The following NCOR1 variants were observed in gnomAD, a reference collection of about 807,000 sequenced individuals.
NCOR1 encodes the protein nuclear receptor corepressor 1, also known as protein phosphatase 1, regulatory subunit 109.
A neutral mutation model predicts 288.1 loss-of-function variants in NCOR1; 63 were observed. The ratio of observed to expected loss-of-function variants is 0.22; its 90% CI spans 0.18 to 0.27. NCOR1 has a LOEUF of 0.27. Among genes scored for constraint, NCOR1 ranks in the 10% least tolerant of loss-of-function variants. The probability of loss-of-function intolerance (pLI) is 1.00; values close to 1 mark genes in which losing one functional copy is unlikely to be tolerated. For synonymous variants in NCOR1, 1,007 were observed against 1,065.9 expected (o/e 0.94, Z 1.08); for missense variants, 2,397 against 3,019.2 (o/e 0.79, Z 4.83).
chr17:16,163,068 A>C (rs1377689776), intron 5 of NCOR1, among the ~76,000 whole-genome samples: 5 of 152,152 alleles, frequency 3.3e-5, no homozygotes, highest in Non-Finnish European at 7.4e-5. Context: ...TAAAACTATA[A>C]AATGTGTAGA....
intron 23 of NCOR1, among the ~76,000 whole-genome samples, chr17:16,081,979 A>T (rs1253963032): frequency 6.6e-6 from 1 of 152,226 alleles, no homozygotes; most frequent in African/African-American, 2.4e-5. Flanking sequence ...GACTAAGGCA[A>T]AGCTGTTAAG....
rs991271482 is a variant in NCOR1, at chr17:16,121,313, A to C, written c.1635-44T>G. 4.7e-6 allele frequency: 7 copies of C among 1,493,194 alleles called. No homozygotes were observed. In the African/African-American group the frequency reaches 9.8e-5, roughly 21 times the overall value. The allele number at this position is 1,493,194 out of a possible 1,614,324, so 92.5% of individuals were successfully genotyped here. On this transcript the variant is annotated intron_variant, in intron 15 of 45. Transcript: ENST00000268712. ...GAAAACTTGTGTGATTCCAAAGTAT[A>C]CATACATCGAAGAAGGTTTTAGTTT... is the stretch of plus-strand genomic sequence containing the variant.
chr17:16,173,306 G>A (rs1207986786), intron 3 of NCOR1, among the ~76,000 whole-genome samples: 2 of 152,048 alleles, frequency 1.3e-5, no homozygotes, highest in Non-Finnish European at 2.9e-5. Flanking sequence ...AAAATTCAGA[G>A]TGACATCACA....
chr17:16,080,880 G>A (rs1405304127), intron 23 of NCOR1, among the ~76,000 whole-genome samples, 153 bp from the exon 24 acceptor site: 1 of 149,464 alleles, frequency 6.7e-6, no homozygotes, highest in African/African-American at 2.5e-5. Context: ...TGTAAAGCAA[G>A]AAAATCTTCA....
At chr17:16,044,826 C>G in intron 42 of NCOR1, 1 of 1,075,544 alleles carries the variant, frequency 9.3e-7, no homozygotes, top group Non-Finnish European at 1.4e-6. Context: ...GGTGGACCTG[C>G]TCCAGCAGCT....
At position 16,039,275 on chromosome 17, in the gene NCOR1, G is replaced by C. The variant is rs143648164; in HGVS notation, c.6955+158C>G. ...CTGTTCATATTATAATGTCTGGGTA[G>C]GTTTTCAAAAACCTTTTTTAAGTAA... On this transcript the variant is annotated intron_variant, in intron 44 of 45. Coordinates refer to ENST00000268712, the MANE Select transcript of NCOR1 (RefSeq NM_006311.4). 2.4e-3 allele frequency: 1,626 copies of C among 681,192 alleles called. 26 individuals are homozygous for C. The African/African-American group carries it at 0.026, about 11-fold the overall frequency. 42.2% of individuals were successfully genotyped at this position (681,192 alleles called of 1,614,324 possible).
chr17:16,209,569 TA>T (rs1311469930), intron 1 of NCOR1, among the ~76,000 whole-genome samples: 2 of 145,832 alleles, frequency 1.4e-5, no homozygotes, highest in African/African-American at 5.1e-5. Flanking sequence ...TTTAAAAAAT[TA>T]AAATAAAATA....
intron 44 of NCOR1, among the ~76,000 whole-genome samples, chr17:16,037,058 T>G (rs1363895614): frequency 2.0e-5 from 3 of 152,222 alleles, no homozygotes; most frequent in Non-Finnish European, 4.4e-5. Context: ...CTTGAACACT[T>G]AGAAGCCATT....
Position 16,101,257 on chromosome 17 carries a change from T to C in NCOR1, c.2683A>G (p.Arg895Gly), listed in dbSNP as rs767636330. ...ADEDVDGEPE[R>G]QRMFPMDSKP... ...TTATGGAACGAGCCTCACCTCTGCC[T>C]CTCTGGCTCTCCATCCACATCCTCA... Residue 895 changes from arginine to glycine, a missense_variant, in exon 20 of 46, where the codon AGG becomes GGG. Physicochemically the swap from Arg to Gly is moderately radical, Grantham distance 125 (BLOSUM62 -2). Around this residue, in one of 11 missense-constraint regions of NCOR1, gnomAD observed 1,872 missense variants for 2,187.8 expected, o/e 0.86. Coordinates refer to ENST00000268712, the MANE Select transcript of NCOR1 (RefSeq NM_006311.4). 7 of 1,590,464 alleles carry C rather than the reference T, an allele frequency of 4.4e-6. No individual in the cohort carries two copies. In the South Asian group the frequency reaches 5.8e-5, roughly 13 times the overall value.
rs1457335309 is a variant in NCOR1, at chr17:16,109,916, T to G, written c.2056-1004A>C. ...GCCCAGCTAATTTTCATGTTTTTAG[T>G]AGAGACGGGGTTTCACCATCTTGGC... is the stretch of plus-strand genomic sequence containing the variant. On this transcript the variant is annotated intron_variant, in intron 18 of 45. Transcript: ENST00000268712. 2.0e-5 allele frequency among the ~76,000 whole-genome samples: 3 copies of G among 152,180 alleles called. No individual in the cohort carries two copies. In the East Asian group the frequency reaches 5.8e-4, roughly 29 times the overall value.
chr17:16,127,818 G>A (rs1409399858), intron 14 of NCOR1, among the ~76,000 whole-genome samples: 1 of 151,530 alleles, frequency 6.6e-6, no homozygotes, highest in Admixed American at 6.6e-5. Flanking sequence ...CACTGGGAGT[G>A]TTGGAACATA....
intron 20 of NCOR1, 86 bp from the exon 21 acceptor site, chr17:16,098,582 T>C: frequency 8.3e-7 from 1 of 1,203,824 alleles, no homozygotes; most frequent in Non-Finnish European, 1.2e-6. Flanking sequence ...TAAGTTAGTA[T>C]GTACATACAC....
intron 19 of NCOR1, among the ~76,000 whole-genome samples, chr17:16,107,793 C>T (rs1370125624): frequency 6.6e-6 from 1 of 152,140 alleles, no homozygotes; most frequent in East Asian, 1.9e-4. Flanking sequence ...ACTCTCTCTA[C>T]TCTTGTAAAG....
chr17:16,062,003 C>T, intron 36 of NCOR1, 102 bp downstream of exon 36: 1 of 1,572,048 alleles, frequency 6.4e-7, no homozygotes. Flanking sequence ...GCCTTCATGG[C>T]ATGGGCAGAA....
intron 10 of NCOR1, among the ~76,000 whole-genome samples, chr17:16,145,120 C>T (rs1334416982): frequency 6.6e-6 from 1 of 152,244 alleles, no homozygotes; most frequent in Admixed American, 6.5e-5. Context: ...GGGCTGGTCT[C>T]CAGCTCCTGA....
intron 1 of NCOR1, among the ~76,000 whole-genome samples, chr17:16,202,401 A>C (rs1451796893): frequency 4.7e-5 from 6 of 128,170 alleles, no homozygotes. Flanking sequence ...ACTTCATCTC[A>C]AAAAAAAAAA....
chr17:16,112,582 G>A (rs753032089), intron 18 of NCOR1, among the ~76,000 whole-genome samples: 5 of 152,000 alleles, frequency 3.3e-5, no homozygotes, highest in African/African-American at 7.2e-5. Flanking sequence ...TGCAACCTCC[G>A]CCTCCCAGGT....
intron 1 of NCOR1, among the ~76,000 whole-genome samples, chr17:16,195,585 C>G (rs1427055297): frequency 6.6e-6 from 1 of 152,200 alleles, no homozygotes; most frequent in Non-Finnish European, 1.5e-5. Context: ...TGTGCCAATG[C>G]CACACTTTTC....
chr17:16,048,759 T>C, intron 41 of NCOR1, 86 bp downstream of exon 41: 1 of 1,392,450 alleles, frequency 7.2e-7, no homozygotes, highest in South Asian at 2.0e-5. Flanking sequence ...CCCAAAGTTC[T>C]GAGAAAAACG....
Sources: allele counts gnomAD v4.1 joint callset (sites outside exome capture counted in the v4.1 genomes callset), GRCh38; gene constraint gnomAD v4.1.1; regional missense constraint gnomAD v4.1.1; transcripts MANE v1.5; gene names NCBI Gene and HGNC (gene_info 2026-07-23, HGNC 2026-07-21).